FAF2: variants seen among roughly 807,000 people sequenced by gnomAD.
The protein encoded by FAF2 is Fas associated factor family member 2, also known as FAS-associated factor 2.
In FAF2, 9 loss-of-function variants were observed where a neutral mutation model predicts 62.3. The ratio of observed to expected loss-of-function variants is 0.14; its 90% CI spans 0.09 to 0.25. The LOEUF (loss-of-function observed/expected upper bound fraction) is 0.25. FAF2 is among the 10% of genes least tolerant of loss of function. The pLI is 1.00. For synonymous variants in FAF2, 202 were observed against 198.0 expected (o/e 1.02, Z -0.17); for missense variants, 368 against 556.2 (o/e 0.66, Z 3.40).
chr5:176,508,691 G>A lies in FAF2; in HGVS notation c.*1741G>A, dbSNP rs930047948. 6.6e-6 allele frequency: 1 copy of A among 152,170 alleles called. No individual in the cohort carries two copies. Among genetic ancestry groups the A allele is most frequent in the African/African-American group, 2.4e-5 (1 of 41,420 alleles). 9.4% of individuals were successfully genotyped at this position (152,170 alleles called of 1,614,324 possible). On this transcript the variant is annotated 3_prime_UTR_variant, in exon 11 of 11. Transcript: ENST00000261942. ...TTGTTCTTCCACTTCGTTTTCTGCT[G>A]TCCCAAGGCCAGATGAGTGGAATCA...
At chr5:176,472,362 G>T (rs886823596) in intron 1 of FAF2, among the ~76,000 whole-genome samples, 1 of 151,700 alleles carries the variant, frequency 6.6e-6, no homozygotes, top group African/African-American at 2.4e-5. Flanking sequence ...GGTCAGTCTG[G>T]TCTCGAACTC....
chr5:176,505,868 G>C (rs1263899906), intron 10 of FAF2, among the ~76,000 whole-genome samples: 1 of 151,846 alleles, frequency 6.6e-6, no homozygotes, highest in East Asian at 1.9e-4. Context: ...TTGATTGATG[G>C]GCTTAAAACT....
At chr5:176,450,272 A>G (rs1758139899) in intron 1 of FAF2, among the ~76,000 whole-genome samples, 1 of 152,170 alleles carries the variant, frequency 6.6e-6, no homozygotes, top group African/African-American at 2.4e-5. Flanking sequence ...GAGAAATTGA[A>G]TTGATGACCC....
At chr5:176,469,773 T>G (rs77025362) in intron 1 of FAF2, among the ~76,000 whole-genome samples, 1,748 of 152,342 alleles carry the variant, frequency 0.011, 45 homozygotes, top group African/African-American at 0.04. Context: ...AACATCTATA[T>G]GTAAATTGTT....
intron 8 of FAF2, 170 bp downstream of exon 8, chr5:176,496,833 T>C: frequency 2.2e-6 from 1 of 458,994 alleles, no homozygotes; most frequent in Admixed American, 4.1e-5. Flanking sequence ...AATTACTCTA[T>C]ATCAGGTAAT....
At chr5:176,462,198 C>T (rs1758390134) in intron 1 of FAF2, among the ~76,000 whole-genome samples, 1 of 151,814 alleles carries the variant, frequency 6.6e-6, no homozygotes, top group African/African-American at 2.4e-5. Flanking sequence ...ATTGCTTGAA[C>T]CCAAGAGACA....
rs1482677212 is a variant in FAF2, at chr5:176,496,565, A to G, written c.741A>G (p.Gly247=). ...AGGATCGAAGGATGACTGTGGTGGG[A>G]CGGCTAGAAGGCCTCATTCAACCTG... is the stretch of plus-strand genomic sequence containing the variant. ...MLKDRRMTVV[G]RLEGLIQPDD... The change falls in exon 8 of 11, where the codon GGA becomes GGG. Residue 247 remains glycine (G), a synonymous_variant. Coordinates refer to ENST00000261942, the MANE Select transcript of FAF2 (RefSeq NM_014613.3). 3.1e-6 allele frequency: 5 copies of G among 1,613,154 alleles called. No homozygotes were observed. Among genetic ancestry groups the G allele is most frequent in the Non-Finnish European group, 4.2e-6 (5 of 1,179,590 alleles).
chr5:176,452,396 C>T (rs952709177), intron 1 of FAF2, among the ~76,000 whole-genome samples: 1 of 152,132 alleles, frequency 6.6e-6, no homozygotes, highest in African/African-American at 2.4e-5. Context: ...ATGCCTTAGG[C>T]ATGGTGTTAA....
chr5:176,472,424 C>T (rs1346309014), intron 1 of FAF2, among the ~76,000 whole-genome samples: 9 of 151,868 alleles, frequency 5.9e-5, no homozygotes, highest in South Asian at 2.1e-4. Context: ...GGATTACAGG[C>T]GTGATCCACC....
chr5:176,469,256 A>C (rs1318324487), intron 1 of FAF2, among the ~76,000 whole-genome samples: 2 of 152,224 alleles, frequency 1.3e-5, no homozygotes, highest in Non-Finnish European at 2.9e-5. Flanking sequence ...AAAAATAAAA[A>C]TAAAAAATTG....
intron 1 of FAF2, among the ~76,000 whole-genome samples, chr5:176,451,469 A>G: frequency 6.6e-6 from 1 of 151,970 alleles, no homozygotes; most frequent in East Asian, 1.9e-4. Flanking sequence ...CAGTGTTGAG[A>G]TGAGTTGCCT....
At chr5:176,499,646 T>C (rs1755559526) in intron 9 of FAF2, among the ~76,000 whole-genome samples, 1 of 152,008 alleles carries the variant, frequency 6.6e-6, no homozygotes, top group Admixed American at 6.6e-5. Flanking sequence ...AGGGTCTCAC[T>C]GTGTTGCCCA....
chr5:176,501,002 C>G (rs888198099), intron 10 of FAF2, among the ~76,000 whole-genome samples: 10 of 152,066 alleles, frequency 6.6e-5, no homozygotes, highest in Non-Finnish European at 1.2e-4. Context: ...TGGCACGTGC[C>G]TGTAATCCCA....
chr5:176,502,727 A>G (rs1755615622), intron 10 of FAF2, among the ~76,000 whole-genome samples: 1 of 152,216 alleles, frequency 6.6e-6, no homozygotes, highest in South Asian at 2.1e-4. Flanking sequence ...AGACTTTTAA[A>G]TGGGTTCCTC....
chr5:176,479,974 C>A (rs531526666), intron 2 of FAF2, among the ~76,000 whole-genome samples: 1 of 152,138 alleles, frequency 6.6e-6, no homozygotes, highest in African/African-American at 2.4e-5. Context: ...GGATTACAGG[C>A]GTGAGCCACC....
chr5:176,469,846 T>C (rs1758527490), intron 1 of FAF2, among the ~76,000 whole-genome samples: 1 of 152,148 alleles, frequency 6.6e-6, no homozygotes. Flanking sequence ...ATGAAGAGTT[T>C]GAAGGGAGTA....
Position 176,499,033 on chromosome 5 carries a change from G to A in FAF2, c.959G>A (p.Arg320Gln), listed in dbSNP as rs1334374077. ...CGGGAGGAGCGGGAGCGTAAGCGGC[G>A]GAAGGAGGAGGAGGTGCAACAGCAA... ...KKREERERKR[R>Q]KEEEVQQQKL... is the part of the protein sequence containing the mutation. The change falls in exon 9 of 11, where the codon CGG (arginine) becomes CAG (glutamine). Residue 320 changes from arginine (R) to glutamine (Q), a missense_variant. This residue lies in a region of FAF2 where 331 missense variants were observed against 441.9 expected (regional missense o/e 0.75). Transcript: ENST00000261942. 21 of 1,610,858 alleles carry A rather than the reference G, an allele frequency of 1.3e-5. No individual in the cohort carries two copies. The highest frequency in any genetic ancestry group is 3.4e-5 in the Admixed American group (2 of 59,450).
At chr5:176,458,611 G>C (rs1758321196) in intron 1 of FAF2, among the ~76,000 whole-genome samples, 1 of 151,478 alleles carries the variant, frequency 6.6e-6, no homozygotes, top group Non-Finnish European at 1.5e-5. Context: ...TCACCATGTT[G>C]GCCAGGCTGG....
chr5:176,461,312 C>CTTTTTTTTTTTTTTTTTT (rs60608969), intron 1 of FAF2, among the ~76,000 whole-genome samples: 1 of 70,732 alleles, frequency 1.4e-5, no homozygotes. Context: ...CTGTGCCCAG[C>CTTTTTTTTTTTTTTTTTT]TTTTTTTTTT....
Sources: allele counts gnomAD v4.1 joint callset (sites outside exome capture counted in the v4.1 genomes callset), GRCh38; gene constraint gnomAD v4.1.1; regional missense constraint gnomAD v4.1.1; transcripts MANE v1.5; gene names NCBI Gene and HGNC (gene_info 2026-07-23, HGNC 2026-07-21).